The following REEP3 variants were observed in gnomAD, a reference collection of about 807,000 sequenced individuals.
REEP3 encodes the protein receptor expression-enhancing protein 3.
A neutral mutation model predicts 41.3 loss-of-function variants in REEP3; 20 were observed. The observed-to-expected ratio is 0.48, with a 90% CI of 0.34 to 0.70. The LOEUF is 0.70. Ranked by LOEUF, REEP3 falls within the 30% of genes least tolerant of loss-of-function variation. The pLI, the probability that REEP3 is intolerant of heterozygous loss-of-function variation, is 0.01. For synonymous variants in REEP3, 104 were observed against 101.8 expected, an observed-to-expected ratio of 1.02 and a Z score of -0.13; for missense variants, 271 against 308.8, an observed-to-expected ratio of 0.88 and a Z score of 0.92.
intron 1 of REEP3, among the ~76,000 whole-genome samples, chr10:63,563,992 A>G (rs1253373215): frequency 6.6e-6 from 1 of 152,210 alleles, no homozygotes; most frequent in Non-Finnish European, 1.5e-5. Context: ...AAAAGCTAAG[A>G]GAGTAGCTGA....
chr10:63,591,971 G>A (rs888795978), intron 2 of REEP3, among the ~76,000 whole-genome samples: 1 of 152,174 alleles, frequency 6.6e-6, no homozygotes, highest in Non-Finnish European at 1.5e-5. Flanking sequence ...ATGAAAACGT[G>A]AAATAATGAA....
intron 1 of REEP3, among the ~76,000 whole-genome samples, chr10:63,556,532 T>C (rs976241404): frequency 1.3e-5 from 2 of 151,138 alleles, no homozygotes; most frequent in Admixed American, 6.6e-5. Context: ...GCCCTCTCTC[T>C]TAATTTTACA....
At position 63,557,564 on chromosome 10, in the gene REEP3, A is replaced by C. The variant is rs187058371; in HGVS notation, c.33-8774A>C. Reference sequence around the variant, plus strand: ...GTTAAATTTATCAACAACAAAGAAGAAGCTCTCCAGGTGATTTTGACGTGT... The same window carrying C: ...GTTAAATTTATCAACAACAAAGAAGCAGCTCTCCAGGTGATTTTGACGTGT... On this transcript the variant is annotated intron_variant, in intron 1 of 7. Transcript: ENST00000373758. Among the ~76,000 whole-genome samples, 46 of 152,314 alleles carry C rather than the reference A, an allele frequency of 3.0e-4. 1 individual carries two copies. The highest frequency in any genetic ancestry group is 1.0e-3 in the South Asian group (5 of 4,822).
At chr10:63,590,623 A>G (rs10822186) in intron 2 of REEP3, among the ~76,000 whole-genome samples, 72,775 of 151,926 alleles carry the variant, frequency 0.48, 17,747 homozygotes, top group South Asian at 0.54. Context: ...CTCCTATAAT[A>G]CAAGCCCCCT....
In REEP3 at chr10:63,599,706, A is replaced by G. The variant is rs1387149800; in HGVS notation, c.417+423A>G. On this transcript the variant is annotated intron_variant, in intron 5 of 7. Coordinates refer to ENST00000373758, the MANE Select transcript of REEP3 (RefSeq NM_001001330.3). Reference sequence around the variant, plus strand: ...TACTTCTGCACCTCTACTTCAATCAATTTGAGGTAACCGATTATTCAAAAT... The same window carrying G: ...TACTTCTGCACCTCTACTTCAATCAGTTTGAGGTAACCGATTATTCAAAAT... 11 of 983,570 alleles carry G rather than the reference A, an allele frequency of 1.1e-5. No homozygotes were observed. The Admixed American group carries it at 1.8e-4, about 17-fold the overall frequency. 60.9% of individuals were successfully genotyped at this position (983,570 alleles called of 1,614,324 possible).
Position 63,619,759 on chromosome 10 carries a change from C to A in REEP3, c.670C>A (p.Gln224Lys). The stretch of plus-strand genomic sequence containing the variant: ...AACACACAAAGGGCTTCGAAGATCG[C>A]AAAGCATGAAATCTGTGAAAACCAC... ...MLTHKGLRRSQSMKSVKTTKG... is the reference protein window; with the variant it reads ...MLTHKGLRRSKSMKSVKTTKG... Residue 224 changes from glutamine to lysine, a missense_variant, in exon 7 of 8, where the codon CAA (glutamine) becomes AAA (lysine). Transcript: ENST00000373758. 6.2e-7 allele frequency: 1 copy of A among 1,609,922 alleles called. No homozygotes were observed. Among genetic ancestry groups the A allele is most frequent in the Admixed American group, 1.7e-5 (1 of 59,490 alleles).
intron 5 of REEP3, 69 bp downstream of exon 5, chr10:63,599,352 CA>C: frequency 1.6e-6 from 1 of 623,400 alleles, no homozygotes; most frequent in Non-Finnish European, 2.6e-6. Context: ...CTTCTTATTT[CA>C]AACCATTATA....
chr10:63,586,250 A>T (rs1442062160), intron 2 of REEP3, among the ~76,000 whole-genome samples: 1 of 152,222 alleles, frequency 6.6e-6, no homozygotes, highest in African/African-American at 2.4e-5. Context: ...CTAAGTCTTT[A>T]TAAAAGCCTT....
intron 1 of REEP3, among the ~76,000 whole-genome samples, chr10:63,522,080 G>A (rs1314627667): frequency 6.6e-6 from 1 of 152,136 alleles, no homozygotes; most frequent in Non-Finnish European, 1.5e-5. Flanking sequence ...CTGATGCGTT[G>A]CGGTGTCTCT....
At chr10:63,537,023 A>T (rs79354497) in intron 1 of REEP3, among the ~76,000 whole-genome samples, 4,553 of 152,330 alleles carry the variant, frequency 0.03, 102 homozygotes, top group Non-Finnish European at 0.045. Context: ...CCATCAAAGA[A>T]ATTTGGCATA....
chr10:63,580,371 A>G (rs1279829142), intron 2 of REEP3, among the ~76,000 whole-genome samples: 2 of 152,106 alleles, frequency 1.3e-5, no homozygotes, highest in Non-Finnish European at 2.9e-5. Context: ...TCCTAGATTC[A>G]AGTGACCTTC....
intron 2 of REEP3, among the ~76,000 whole-genome samples, chr10:63,587,859 G>T (rs1328255246): frequency 1.3e-5 from 2 of 152,164 alleles, no homozygotes; most frequent in African/African-American, 4.8e-5. Context: ...GCCACACTCT[G>T]TCATTCTACC....
chr10:63,522,963 T>A (rs1375622557), intron 1 of REEP3, among the ~76,000 whole-genome samples: 1 of 147,236 alleles, frequency 6.8e-6, no homozygotes, highest in Non-Finnish European at 1.5e-5. Context: ...TAGATGTCTA[T>A]CAACTGTTGT....
At position 63,584,530 on chromosome 10, in the gene REEP3, A is replaced by G. The variant is rs780316599; in HGVS notation, c.106-10248A>G. Among the ~76,000 whole-genome samples the G allele has an allele frequency of 2.0e-5, 3 of 151,852 alleles. No homozygotes were observed. In the South Asian group the frequency reaches 6.2e-4, roughly 32 times the overall value. On this transcript the variant is annotated intron_variant, in intron 2 of 7. Coordinates refer to ENST00000373758, the MANE Select transcript of REEP3 (RefSeq NM_001001330.3). The stretch of plus-strand genomic sequence containing the variant: ...TTCAACCATGCCTCTAACTTGGCAC[A>G]GCTCTGAGAAAAAATCCCGTAACCA...
At chr10:63,541,899 CT>C (rs1290534494) in intron 1 of REEP3, among the ~76,000 whole-genome samples, 2 of 152,138 alleles carry the variant, frequency 1.3e-5, no homozygotes, top group African/African-American at 4.8e-5. Context: ...ATTATAACAA[CT>C]TTTAGAATTC....
chr10:63,590,439 AT>A (rs772909767), intron 2 of REEP3, among the ~76,000 whole-genome samples: 2 of 152,188 alleles, frequency 1.3e-5, no homozygotes, highest in African/African-American at 2.4e-5. Flanking sequence ...AGGAGGGTAT[AT>A]GTGCATGTGT....
intron 1 of REEP3, among the ~76,000 whole-genome samples, chr10:63,564,708 A>G (rs1955780613): frequency 6.6e-6 from 1 of 151,468 alleles, no homozygotes; most frequent in Admixed American, 6.6e-5. Flanking sequence ...TTTCCTAACG[A>G]TGATACCTAT....
At chr10:63,555,851 C>T (rs1354953923) in intron 1 of REEP3, among the ~76,000 whole-genome samples, 1 of 152,098 alleles carries the variant, frequency 6.6e-6, no homozygotes, top group African/African-American at 2.4e-5. Flanking sequence ...TCCTCCTTCC[C>T]AGTTGATTAT....
chr10:63,552,602 A>G (rs902880216), intron 1 of REEP3, among the ~76,000 whole-genome samples: 4 of 152,216 alleles, frequency 2.6e-5, no homozygotes, highest in African/African-American at 9.6e-5. Context: ...CAGTGCCCTC[A>G]TGATGAGGAA....
Sources: gnomAD v4.1 joint callset for allele counts (sites outside exome capture counted in the v4.1 genomes callset) on GRCh38, gnomAD v4.1.1 for gene constraint, MANE v1.5 for transcripts, NCBI Gene and HGNC (gene_info 2026-07-23, HGNC 2026-07-21) for gene names.